The following KCNIP4 variants were observed in gnomAD, a reference collection of about 807,000 sequenced individuals.
KCNIP4 encodes potassium voltage-gated channel interacting protein 4.
KCNIP4 carries 12 observed loss-of-function variants against 34.0 expected under a neutral mutation model. The observed-to-expected ratio is 0.35, with a 90% confidence interval of 0.23 to 0.57. KCNIP4 has a LOEUF of 0.57. Among genes scored for constraint, KCNIP4 ranks in the 20% least tolerant of loss-of-function variants. The pLI, the probability that KCNIP4 is intolerant of heterozygous loss-of-function variation, is 0.83. For synonymous variants in KCNIP4, 124 were observed against 102.2 expected (o/e 1.21, Z -1.29); for missense variants, 238 against 311.7 (o/e 0.76, Z 1.78).
At chr4:21,468,010 C>T (rs1730140904) in intron 1 of KCNIP4, among the ~76,000 whole-genome samples, 1 of 151,926 alleles carries the variant, frequency 6.6e-6, no homozygotes, top group African/African-American at 2.4e-5. Flanking sequence ...GGAACAAATT[C>T]TGCCCCAGAG....
intron 1 of KCNIP4, among the ~76,000 whole-genome samples, chr4:21,545,293 T>A (rs1738046301): frequency 6.6e-6 from 1 of 152,090 alleles, no homozygotes; most frequent in African/African-American, 2.4e-5. Flanking sequence ...ACCCCTTGGA[T>A]AACATGTAAT....
intron 1 of KCNIP4, among the ~76,000 whole-genome samples, chr4:21,899,141 C>A (rs1727566767): frequency 1.3e-5 from 2 of 152,092 alleles, no homozygotes; most frequent in Non-Finnish European, 2.9e-5. Context: ...ACACACAAAT[C>A]AATCAATGTG....
At chr4:21,868,264 T>C (rs751141230) in intron 1 of KCNIP4, among the ~76,000 whole-genome samples, 2 of 152,196 alleles carry the variant, frequency 1.3e-5, no homozygotes, top group Non-Finnish European at 2.9e-5. Context: ...AATGGGATTA[T>C]CAAAAACTGT....
chr4:20,761,902 A>C lies in KCNIP4; in HGVS notation c.289-3012T>G, dbSNP rs148251535. ...CCTTATATTCATTACATTAGTTTAC[A>C]TCTCTACAAACACATACTGTATGCC... On this transcript the variant is annotated intron_variant, in intron 3 of 8. Transcript: ENST00000382152. Among the ~76,000 whole-genome samples the C allele has an allele frequency of 2.3e-3, 357 of 152,294 alleles. 7 individuals are homozygous for C. The South Asian group carries it at 0.046, about 20-fold the overall frequency.
At chr4:20,813,327 T>C (rs1440552042) in intron 3 of KCNIP4, among the ~76,000 whole-genome samples, 1 of 152,096 alleles carries the variant, frequency 6.6e-6, no homozygotes, top group Non-Finnish European at 1.5e-5. Context: ...GAGGAGGGTT[T>C]AAAATTGGAT....
At chr4:21,453,189 A>C (rs952004564) in intron 1 of KCNIP4, among the ~76,000 whole-genome samples, 1 of 152,020 alleles carries the variant, frequency 6.6e-6, no homozygotes, top group Non-Finnish European at 1.5e-5. Flanking sequence ...TGGGGGTGAG[A>C]TTTAAAGCAT....
chr4:21,348,324 G>T (rs952405990), intron 1 of KCNIP4, among the ~76,000 whole-genome samples: 3 of 152,174 alleles, frequency 2.0e-5, no homozygotes, highest in African/African-American at 7.2e-5. Flanking sequence ...GTTATCAAAA[G>T]CTTACAAAAT....
intron 1 of KCNIP4, among the ~76,000 whole-genome samples, chr4:21,781,000 T>C (rs1340362804): frequency 6.6e-6 from 1 of 152,114 alleles, no homozygotes; most frequent in Admixed American, 6.5e-5. Flanking sequence ...GAACACCAGT[T>C]ACTTGAGGTT....
At chr4:21,481,592 A>G (rs543331400) in intron 1 of KCNIP4, among the ~76,000 whole-genome samples, 1 of 152,298 alleles carries the variant, frequency 6.6e-6, no homozygotes, top group South Asian at 2.1e-4. Flanking sequence ...ATGGCTAAAA[A>G]TGTGCTTAAT....
rs1015412840 is a variant in KCNIP4 at position 21,303,498 on chromosome 4, G to A, written c.62-420789C>T. 2.0e-5 allele frequency among the ~76,000 whole-genome samples: 3 copies of A among 152,250 alleles called. No individual in the cohort carries two copies. The East Asian group carries it at 5.8e-4, about 29-fold the overall frequency. On this transcript the variant is annotated intron_variant, in intron 1 of 8. Transcript: ENST00000382152. ...TACTAGATAAAATAATCAAGCATCA[G>A]TATGGACTAAATACTCTCAAAATAA...
At chr4:21,670,405 A>G (rs961641070) in intron 1 of KCNIP4, among the ~76,000 whole-genome samples, 1 of 116,470 alleles carries the variant, frequency 8.6e-6, no homozygotes, top group Admixed American at 1.2e-4. Flanking sequence ...GGAATATCAC[A>G]CTCTGGGGAC....
Position 21,629,849 on chromosome 4 carries a change from C to CTTTTTTTTTTTTTTTTTTT in KCNIP4, c.61+318703_61+318721dup, listed in dbSNP as rs5856652. Among the ~76,000 whole-genome samples the CTTTTTTTTTTTTTTTTTTT allele has an allele frequency of 9.0e-4, 79 of 87,780 alleles. 6 individuals are homozygous for CTTTTTTTTTTTTTTTTTTT. Among genetic ancestry groups the CTTTTTTTTTTTTTTTTTTT allele is most frequent in the East Asian group, 2.1e-3 (5 of 2,436 alleles). The allele number at this position is 87,780 out of a possible 152,430, so 57.6% of individuals were successfully genotyped here. The stretch of plus-strand genomic sequence containing the variant: ...ACCATATTTCCTTTTCTTTTTCTTT[C>CTTTTTTTTTTTTTTTTTTT]TTTTTTTTTTTTTTTTTTTGAGACA... On this transcript the variant is annotated intron_variant, in intron 1 of 8. Coordinates refer to ENST00000382152, the MANE Select transcript of KCNIP4 (RefSeq NM_025221.6).
intron 1 of KCNIP4, among the ~76,000 whole-genome samples, chr4:21,919,814 A>T (rs1438279964): frequency 6.6e-6 from 1 of 152,218 alleles, no homozygotes; most frequent in African/African-American, 2.4e-5. Context: ...GTGATTATGA[A>T]GCAAGCAATC....
At chr4:21,851,179 G>A (rs1724360766) in intron 1 of KCNIP4, 2 of 152,130 alleles carry the variant, frequency 1.3e-5, no homozygotes, top group South Asian at 2.1e-4. Context: ...TTAGTGCAGG[G>A]AGGGAGGAGA....
At chr4:20,815,190 C>A (rs1010645669) in intron 3 of KCNIP4, among the ~76,000 whole-genome samples, 2 of 152,038 alleles carry the variant, frequency 1.3e-5, no homozygotes, top group Admixed American at 1.3e-4. Context: ...GGTAAGAAAA[C>A]CAATCATCTG....
At chr4:21,021,854 A>AGTATCGTATC (rs575198217) in intron 1 of KCNIP4, among the ~76,000 whole-genome samples, 1 of 134,232 alleles carries the variant, frequency 7.4e-6, no homozygotes, top group Non-Finnish European at 1.6e-5. Context: ...TGAAAAGTAT[A>AGTATCGTATC]GTATCGTATA....
At chr4:20,748,882 A>G (rs115679808) in intron 5 of KCNIP4, among the ~76,000 whole-genome samples, 74 of 144,432 alleles carry the variant, frequency 5.1e-4, no homozygotes, top group Admixed American at 1.3e-3. Flanking sequence ...GTGTGTGTGT[A>G]TGTGTGTGTG....
rs1755177382 is a variant in KCNIP4, at chr4:21,185,791, A to G, written c.62-303082T>C. Among the ~76,000 whole-genome samples, 3 of 152,152 alleles carry G rather than the reference A, an allele frequency of 2.0e-5. No homozygotes were observed. The South Asian group carries it at 6.2e-4, about 32-fold the overall frequency. On this transcript the variant is annotated intron_variant, in intron 1 of 8. Coordinates refer to ENST00000382152, the MANE Select transcript of KCNIP4 (RefSeq NM_025221.6). Reference sequence around the variant, plus strand: ...AACTGTCTTTTTATCCATTTCCATAATTGGCAAATGAGTTCACATGAGGCA... The same window carrying G: ...AACTGTCTTTTTATCCATTTCCATAGTTGGCAAATGAGTTCACATGAGGCA...
intron 1 of KCNIP4, among the ~76,000 whole-genome samples, chr4:21,406,790 C>A (rs1724031000): frequency 6.6e-6 from 1 of 152,076 alleles, no homozygotes; most frequent in Non-Finnish European, 1.5e-5. Context: ...TTCAAGGAAA[C>A]AATTGAGAGT....
Sources: allele counts gnomAD v4.1 joint callset (sites outside exome capture counted in the v4.1 genomes callset), GRCh38; gene constraint gnomAD v4.1.1; transcripts MANE v1.5; gene names NCBI Gene and HGNC (gene_info 2026-07-23, HGNC 2026-07-21).